The following C12orf42 variants were observed in gnomAD, a reference collection of about 807,000 sequenced individuals.
C12orf42 encodes the protein chromosome 12 open reading frame 42, also known as uncharacterized protein C12orf42.
Under a neutral mutation model 21.6 loss-of-function variants are expected in C12orf42, and 25 were observed. The ratio of observed to expected loss-of-function variants is 1.16; its 90% CI spans 0.84 to 1.62. The LOEUF is 1.62. Ranked by LOEUF, C12orf42 falls within the 40% of genes most tolerant of loss-of-function variation. The probability of loss-of-function intolerance (pLI) is 0.00; values close to 1 mark genes in which losing one functional copy is unlikely to be tolerated. For missense variants in C12orf42, 483 were observed against 459.3 expected (o/e 1.05, Z -0.47); for synonymous variants, 174 against 175.0 (o/e 0.99, Z 0.05).
At chr12:103,460,050 C>T (rs991712876) in intron 2 of C12orf42, among the ~76,000 whole-genome samples, 1 of 152,208 alleles carries the variant, frequency 6.6e-6, no homozygotes, top group African/African-American at 2.4e-5. Context: ...AGTGGCTTAA[C>T]TCCAAGGGCA....
chr12:103,397,222 G>C (rs1015479752), intron 3 of C12orf42, among the ~76,000 whole-genome samples: 4 of 152,158 alleles, frequency 2.6e-5, no homozygotes, highest in African/African-American at 9.7e-5. Flanking sequence ...ACAGACCATT[G>C]CATAAATTAG....
At chr12:103,447,356 GA>G (rs1951645359) in intron 2 of C12orf42, among the ~76,000 whole-genome samples, 1 of 151,944 alleles carries the variant, frequency 6.6e-6, no homozygotes, top group Non-Finnish European at 1.5e-5. Flanking sequence ...AGGAAAAATT[GA>G]AAGCATTTCC....
the C12orf42 span, among the ~76,000 whole-genome samples, chr12:103,551,186 TAAGTG>T: frequency 1.3e-5 from 2 of 151,782 alleles, no homozygotes; most frequent in African/African-American, 4.8e-5. Flanking sequence ...TTCTTGATCA[TAAGTG>T]AAGAATCTAT....
chr12:103,399,104 A>T (rs1397324369), intron 3 of C12orf42, among the ~76,000 whole-genome samples: 1 of 151,898 alleles, frequency 6.6e-6, no homozygotes, highest in Non-Finnish European at 1.5e-5. Flanking sequence ...TGATTTTTTA[A>T]ATTTATTCCA....
the C12orf42 span, among the ~76,000 whole-genome samples, chr12:103,105,635 A>T: frequency 2.0e-5 from 3 of 152,208 alleles, no homozygotes; most frequent in Non-Finnish European, 4.4e-5. Context: ...TATACCTCCC[A>T]TATCTAAAAT....
the C12orf42 span, among the ~76,000 whole-genome samples, chr12:103,176,862 G>A: frequency 9.9e-5 from 15 of 152,250 alleles, no homozygotes; most frequent in East Asian, 1.2e-3. Context: ...TTATGTCCCC[G>A]TGAGTAGTTA....
At chr12:103,493,137 A>G (rs568820414) in intron 1 of C12orf42, among the ~76,000 whole-genome samples, 1 of 152,344 alleles carries the variant, frequency 6.6e-6, no homozygotes, top group South Asian at 2.1e-4. Flanking sequence ...AAGCAGAGGT[A>G]GTGGTGATAA....
chr12:103,189,337 C>G, the C12orf42 span, among the ~76,000 whole-genome samples: 3 of 152,170 alleles, frequency 2.0e-5, no homozygotes, highest in Non-Finnish European at 4.4e-5. Context: ...AGAAATTTCT[C>G]TCATGGGCTT....
chr12:103,508,457 GA>G, the C12orf42 span, among the ~76,000 whole-genome samples: 57,167 of 151,530 alleles, frequency 0.38, 11,897 homozygotes, highest in East Asian at 0.69. Context: ...ATTTAAATAG[GA>G]AAAAAAAGTC....
intron 10 of C12orf42, among the ~76,000 whole-genome samples, chr12:103,256,679 C>A (rs896544463): frequency 6.6e-6 from 1 of 151,998 alleles, no homozygotes; most frequent in Admixed American, 6.6e-5. Flanking sequence ...TGTGAAATCT[C>A]AAAACTGAAA....
the C12orf42 span, among the ~76,000 whole-genome samples, chr12:103,204,972 G>A: frequency 6.6e-6 from 1 of 151,950 alleles, no homozygotes; most frequent in Non-Finnish European, 1.5e-5. Context: ...CTACAAAAAG[G>A]AAATCTTAAC....
intron 4 of C12orf42, among the ~76,000 whole-genome samples, chr12:103,354,405 T>C (rs1430061983): frequency 6.6e-6 from 1 of 152,112 alleles, no homozygotes; most frequent in East Asian, 1.9e-4. Context: ...ATGGTCCCTA[T>C]GCTACTTCAA....
chr12:103,245,116 A>G (rs1000455384), intron 10 of C12orf42, among the ~76,000 whole-genome samples: 4 of 152,148 alleles, frequency 2.6e-5, no homozygotes, highest in Non-Finnish European at 5.9e-5. Context: ...GAACAGTAAT[A>G]ATGTACTTTT....
the C12orf42 span, among the ~76,000 whole-genome samples, chr12:103,074,369 A>G: frequency 1.3e-5 from 2 of 152,176 alleles, no homozygotes; most frequent in Non-Finnish European, 2.9e-5. Flanking sequence ...AAAGCGTACC[A>G]TGGAGTAGAG....
At chr12:103,192,502 CA>C in the C12orf42 span, among the ~76,000 whole-genome samples, 174 of 104,466 alleles carry the variant, frequency 1.7e-3, no homozygotes, top group Middle Eastern at 0.011. Context: ...GACTCCATCT[CA>C]AAAAAAAAAA....
At chr12:103,190,042 T>G in the C12orf42 span, among the ~76,000 whole-genome samples, 2 of 151,936 alleles carry the variant, frequency 1.3e-5, no homozygotes, top group African/African-American at 4.8e-5. Flanking sequence ...CTCACACAAT[T>G]ACAAGGCAAT....
At chr12:103,452,874 C>A (rs1043450134) in intron 2 of C12orf42, among the ~76,000 whole-genome samples, 1 of 150,440 alleles carries the variant, frequency 6.6e-6, no homozygotes, top group African/African-American at 2.5e-5. Context: ...TGGGGCCTGT[C>A]ATGGGGTGGG....
chr12:103,166,994 A>C, the C12orf42 span, among the ~76,000 whole-genome samples: 1 of 152,152 alleles, frequency 6.6e-6, no homozygotes, highest in African/African-American at 2.4e-5. Flanking sequence ...TCTAGTCCTA[A>C]ATTAAATTTC....
the C12orf42 span, chr12:103,557,638 A>G: frequency 6.6e-6 from 1 of 152,222 alleles, no homozygotes; most frequent in African/African-American, 2.4e-5. Flanking sequence ...TGAGATTCCC[A>G]AACAACTGGG....
Sources: gnomAD v4.1 joint callset for allele counts (sites outside exome capture counted in the v4.1 genomes callset) on GRCh38, gnomAD v4.1.1 for gene constraint, MANE v1.5 for transcripts, NCBI Gene and HGNC (gene_info 2026-07-23, HGNC 2026-07-21) for gene names.